NXPE2: variants seen among roughly 807,000 people sequenced by gnomAD.
The protein encoded by NXPE2 is NXPE family member 2.
NXPE2 carries 34 observed loss-of-function variants against 34.4 expected under a neutral mutation model. The observed-to-expected ratio is 0.99, with a 90% CI of 0.75 to 1.31. The LOEUF (loss-of-function observed/expected upper bound fraction) is 1.31, where lower values mean the gene tolerates loss of function less well. NXPE2 is among the 40% of genes most tolerant of loss of function. NXPE2 has a pLI of 0.00. For missense variants in NXPE2, 649 were observed against 672.5 expected (o/e 0.97, Z 0.39); for synonymous variants, 235 against 231.3 (o/e 1.02, Z -0.15).
At chr11:114,523,924 A>G in the NXPE2 span, among the ~76,000 whole-genome samples, 2 of 152,230 alleles carry the variant, frequency 1.3e-5, no homozygotes, top group Non-Finnish European at 2.9e-5. Flanking sequence ...AAGAAAGACC[A>G]AGATAATAAT....
the NXPE2 span, among the ~76,000 whole-genome samples, chr11:114,604,597 C>G: frequency 1.3e-5 from 2 of 151,668 alleles, no homozygotes; most frequent in Admixed American, 6.6e-5. Context: ...CATGGGTAAC[C>G]ACCATTACCC....
the NXPE2 span, among the ~76,000 whole-genome samples, chr11:114,612,054 C>T: frequency 2.0e-3 from 298 of 152,020 alleles, 2 homozygotes; most frequent in African/African-American, 5.6e-3. Context: ...AGTGTTGCCT[C>T]GTGGGTAACC....
the NXPE2 span, among the ~76,000 whole-genome samples, chr11:114,471,149 T>G: frequency 1.3e-5 from 2 of 152,210 alleles, no homozygotes; most frequent in Admixed American, 1.3e-4. Flanking sequence ...AAGTCCAATT[T>G]ATCATTTTTG....
At chr11:114,622,526 A>G in the NXPE2 span, among the ~76,000 whole-genome samples, 1 of 151,246 alleles carries the variant, frequency 6.6e-6, no homozygotes, top group Non-Finnish European at 1.5e-5. Flanking sequence ...CTCATGGGTA[A>G]CCACTGTTAC....
the NXPE2 span, among the ~76,000 whole-genome samples, chr11:114,786,329 G>A: frequency 6.6e-6 from 1 of 151,238 alleles, no homozygotes; most frequent in African/African-American, 2.4e-5. Context: ...TATTCAAAGA[G>A]CTGGTATTCA....
At chr11:114,646,655 A>G in the NXPE2 span, among the ~76,000 whole-genome samples, 2 of 152,180 alleles carry the variant, frequency 1.3e-5, no homozygotes, top group Non-Finnish European at 2.9e-5. Flanking sequence ...ACCAAATACC[A>G]TTAAAATAGA....
chr11:114,698,506 A>C lies in NXPE2; in HGVS notation c.594A>C (p.Glu198Asp). The stretch of plus-strand genomic sequence containing the variant: ...CTCTGCTGCTCATCCACCCCAGTGA[A>C]GGGGTATCAGCTCTCTGGAGGGCAA... ...SLSLLLIHPS[E>D]GVSALWRARN... The change falls in exon 3 of 6, where the codon GAA becomes GAC. Residue 198 changes from glutamate (E) to aspartate (D), a missense_variant. Coordinates refer to ENST00000389586, the MANE Select transcript of NXPE2 (RefSeq NM_182495.6). 6.2e-7 allele frequency: 1 copy of C among 1,614,078 alleles called. No individual in the cohort carries two copies. Among genetic ancestry groups the C allele is most frequent in the Non-Finnish European group, 8.5e-7 (1 of 1,179,976 alleles).
At chr11:114,522,245 C>G in the NXPE2 span, 12 of 1,614,072 alleles carry the variant, frequency 7.4e-6, no homozygotes, top group Non-Finnish European at 9.3e-6. Flanking sequence ...CTTTTGAACA[C>G]CGATGGCCCT....
the NXPE2 span, among the ~76,000 whole-genome samples, chr11:114,592,654 A>G: frequency 2.0e-5 from 3 of 152,162 alleles, no homozygotes; most frequent in Non-Finnish European, 4.4e-5. Flanking sequence ...TACCAATAAT[A>G]TTCTTCATCG....
chr11:114,732,958 A>G, the NXPE2 span, among the ~76,000 whole-genome samples: 1 of 152,164 alleles, frequency 6.6e-6, no homozygotes, highest in Admixed American at 6.5e-5. Flanking sequence ...ATGATATTCC[A>G]TTATAACACT....
chr11:114,685,239 A>G (rs558545116), intron 2 of NXPE2, among the ~76,000 whole-genome samples: 10 of 152,206 alleles, frequency 6.6e-5, no homozygotes, highest in African/African-American at 1.9e-4. Flanking sequence ...CTAAAAGAAT[A>G]CCACTGACGG....
At chr11:114,666,266 A>G in the NXPE2 span, among the ~76,000 whole-genome samples, 3 of 152,128 alleles carry the variant, frequency 2.0e-5, no homozygotes, top group Non-Finnish European at 4.4e-5. Flanking sequence ...TCCTGGGCTC[A>G]CAGCAGCATT....
At chr11:114,576,766 A>G in the NXPE2 span, among the ~76,000 whole-genome samples, 13 of 151,928 alleles carry the variant, frequency 8.6e-5, no homozygotes, top group Admixed American at 8.5e-4. Flanking sequence ...AACCACTAAG[A>G]AAAACAATGT....
the NXPE2 span, among the ~76,000 whole-genome samples, chr11:114,570,361 C>T: frequency 3.3e-5 from 5 of 152,142 alleles, no homozygotes; most frequent in Non-Finnish European, 7.4e-5. Flanking sequence ...GTGGCCCGTG[C>T]TTTTACCTGT....
In NXPE2 at chr11:114,706,504, T is replaced by TA; in HGVS notation, c.1255dup (p.Thr419AsnfsTer10). The TA allele has an allele frequency of 6.4e-7, 1 of 1,551,846 alleles. No homozygotes were observed. Among genetic ancestry groups the TA allele is most frequent in the Non-Finnish European group, 8.7e-7 (1 of 1,146,976 alleles). Reference sequence around the variant, plus strand: ...GGAAAAAACATGGTCATCCATTTGTTACCAAAAAATTATTCTCAGTGAAAG... The same window carrying TA: ...GGAAAAAACATGGTCATCCATTTGTTAACCAAAAAATTATTCTCAGTGAAAG... On this transcript the variant is annotated frameshift_variant, in exon 6 of 6. Coordinates refer to ENST00000389586, the MANE Select transcript of NXPE2 (RefSeq NM_182495.6). LOFTEE classifies it low-confidence loss of function (END_TRUNC).
the NXPE2 span, among the ~76,000 whole-genome samples, chr11:114,533,249 A>C: frequency 1.3e-5 from 2 of 152,252 alleles, no homozygotes; most frequent in South Asian, 4.1e-4. Flanking sequence ...AGCCGAATAC[A>C]AAACAAACTC....
chr11:114,522,827 A>C, the NXPE2 span: 1 of 1,337,694 alleles, frequency 7.5e-7, no homozygotes, highest in East Asian at 2.3e-5. Flanking sequence ...CCTCATTAAA[A>C]GTACTTTAAA....
the NXPE2 span, among the ~76,000 whole-genome samples, chr11:114,471,879 GC>G: frequency 6.6e-6 from 1 of 152,124 alleles, no homozygotes; most frequent in South Asian, 2.1e-4. Flanking sequence ...TAGAATAAAA[GC>G]AAAAACAAGC....
the NXPE2 span, among the ~76,000 whole-genome samples, chr11:114,492,391 C>G: frequency 6.6e-6 from 1 of 151,960 alleles, no homozygotes; most frequent in Non-Finnish European, 1.5e-5. Context: ...TCTTTAAAGG[C>G]TTTTTTGTGG....
Sources: allele counts gnomAD v4.1 joint callset (sites outside exome capture counted in the v4.1 genomes callset), GRCh38; gene constraint gnomAD v4.1.1; transcripts MANE v1.5; gene names NCBI Gene and HGNC (gene_info 2026-07-23, HGNC 2026-07-21).